The following SAMD3 variants were observed in gnomAD, a reference collection of about 807,000 sequenced individuals.
SAMD3 encodes the protein sterile alpha motif domain containing 3.
SAMD3 carries 63 observed loss-of-function variants against 58.5 expected under a neutral mutation model. The observed-to-expected ratio is 1.08, with a 90% confidence interval of 0.88 to 1.33. The LOEUF (loss-of-function observed/expected upper bound fraction) is 1.33. Ranked by LOEUF, SAMD3 falls within the 40% of genes most tolerant of loss-of-function variation. The pLI is 0.00. For synonymous variants in SAMD3, 220 were observed against 210.3 expected (o/e 1.05, Z -0.40); for missense variants, 604 against 608.4 (o/e 0.99, Z 0.08).
intron 9 of SAMD3, among the ~76,000 whole-genome samples, chr6:130,148,609 A>G (rs1174723916): frequency 6.6e-6 from 1 of 152,248 alleles, no homozygotes; most frequent in African/African-American, 2.4e-5. Flanking sequence ...ACTGTGGCTC[A>G]TGCCTATAAT....
chr6:130,210,161 A>G (rs1299646628), intron 4 of SAMD3, among the ~76,000 whole-genome samples: 1 of 152,200 alleles, frequency 6.6e-6, no homozygotes, highest in Non-Finnish European at 1.5e-5. Context: ...CTTCCTGACC[A>G]ATGATTTTCT....
At chr6:130,168,537 G>A (rs1280347190) in intron 8 of SAMD3, among the ~76,000 whole-genome samples, 1 of 152,082 alleles carries the variant, frequency 6.6e-6, no homozygotes, top group Non-Finnish European at 1.5e-5. Flanking sequence ...GAAAAAAACA[G>A]AAAGAAAATT....
At chr6:130,291,453 A>G (rs1320904583) in intron 2 of SAMD3, among the ~76,000 whole-genome samples, 1 of 152,178 alleles carries the variant, frequency 6.6e-6, no homozygotes, top group Non-Finnish European at 1.5e-5. Flanking sequence ...ACTCAGGCTC[A>G]TGGTTGACTC....
At chr6:130,226,562 C>T (rs371814272), upstream of SAMD3, among the ~76,000 whole-genome samples, 1 of 152,240 alleles carries the variant, frequency 6.6e-6, no homozygotes, top group East Asian at 1.9e-4. Flanking sequence ...CACCATGGCT[C>T]ACGCCTGTAA....
chr6:130,256,363 G>A (rs190601591), intron 2 of SAMD3, among the ~76,000 whole-genome samples: 101 of 152,102 alleles, frequency 6.6e-4, no homozygotes, highest in Middle Eastern at 3.4e-3. Context: ...AATCTGAGAC[G>A]ACCACATGTA....
chr6:130,210,440 A>T (rs988292527), intron 4 of SAMD3, among the ~76,000 whole-genome samples: 28 of 152,096 alleles, frequency 1.8e-4, no homozygotes, highest in Non-Finnish European at 3.5e-4. Context: ...CTTTACTGAA[A>T]ACACAAAAAT....
At chr6:130,224,283 G>A (rs931297800), upstream of SAMD3, among the ~76,000 whole-genome samples, 12 of 152,032 alleles carry the variant, frequency 7.9e-5, no homozygotes, top group South Asian at 6.2e-4. Context: ...GGGGTGTGGC[G>A]GGCCAGAGTG....
chr6:130,227,918 T>A (rs112033522), upstream of SAMD3, among the ~76,000 whole-genome samples: 1,894 of 152,126 alleles, frequency 0.012, 29 homozygotes, highest in African/African-American at 0.043. Flanking sequence ...GTTTCCTAAA[T>A]GGAAACGAGA....
intron 1 of SAMD3, among the ~76,000 whole-genome samples, chr6:130,350,351 G>A (rs1316678715): frequency 6.6e-6 from 1 of 152,120 alleles, no homozygotes; most frequent in Non-Finnish European, 1.5e-5. Flanking sequence ...ATCTCCTTAA[G>A]CTGATAAGCA....
chr6:130,330,382 A>T (rs1314562431), intron 1 of SAMD3, among the ~76,000 whole-genome samples: 1 of 152,206 alleles, frequency 6.6e-6, no homozygotes, highest in Non-Finnish European at 1.5e-5. Flanking sequence ...ATGAATTTCT[A>T]TTGCTATCTA....
intron 5 of SAMD3, among the ~76,000 whole-genome samples, 173 bp downstream of exon 5, chr6:130,209,322 A>G (rs1488635805): frequency 1.3e-5 from 2 of 152,212 alleles, no homozygotes; most frequent in East Asian, 3.8e-4. Flanking sequence ...AAACCAGAAA[A>G]TTTAATCTTC....
chr6:130,270,812 TTTG>T lies in SAMD3; in HGVS notation c.-188+42163_-188+42165del, dbSNP rs544447788. On this transcript the variant is annotated intron_variant, in intron 2 of 13. Transcript: ENST00000368134. ...ATTTTAAGATAATATTAGGGTATTT[TTTG>T]TTGTTATAAATAATACTGCAGGAAA... Among the ~76,000 whole-genome samples the T allele has an allele frequency of 1.1e-3, 163 of 152,318 alleles. 1 individual carries two copies. The highest frequency in any genetic ancestry group is 3.4e-3 in the Middle Eastern group (1 of 294).
intron 5 of SAMD3, among the ~76,000 whole-genome samples, chr6:130,194,592 C>A (rs927820572): frequency 6.6e-6 from 1 of 152,210 alleles, no homozygotes; most frequent in Admixed American, 6.5e-5. Flanking sequence ...TTCTCCAGAA[C>A]CTCCTCTCCC....
chr6:130,146,070 G>T lies in SAMD3; in HGVS notation c.1135C>A (p.Pro379Thr), dbSNP rs760039923. The change falls in exon 10 of 12, where the codon CCA (proline) becomes ACA (threonine). Residue 379 changes from proline (P) to threonine (T), a missense_variant. By Grantham distance (38) the Pro-to-Thr change is conservative (BLOSUM62 -1). Coordinates refer to ENST00000439090, the MANE Select transcript of SAMD3 (RefSeq NM_001017373.4). ...ILTSFSVVDNPINIVLQEKMK... is the reference protein window; with the variant it reads ...ILTSFSVVDNTINIVLQEKMK... ...TTTTCTTGCAATACAATATTGATTG[G>T]ATTGTCCACCACTGAAAAAGAAGTC... 2 of 1,594,036 alleles carry T rather than the reference G, an allele frequency of 1.3e-6. No individual in the cohort carries two copies. Among genetic ancestry groups the T allele is most frequent in the South Asian group, 2.3e-5 (2 of 87,104 alleles).
intron 1 of SAMD3, among the ~76,000 whole-genome samples, chr6:130,220,458 C>T (rs1441220040): frequency 6.6e-6 from 1 of 152,108 alleles, no homozygotes; most frequent in Admixed American, 6.6e-5. Context: ...ATGGTTTATC[C>T]CTGCTTCTGC....
intron 1 of SAMD3, among the ~76,000 whole-genome samples, chr6:130,329,196 G>A (rs1776850471): frequency 6.6e-6 from 1 of 150,646 alleles, no homozygotes; most frequent in Non-Finnish European, 1.5e-5. Flanking sequence ...TGGTATGGTG[G>A]CTACCATCAT....
chr6:130,201,404 G>C (rs868462885), intron 5 of SAMD3, among the ~76,000 whole-genome samples: 22 of 152,110 alleles, frequency 1.4e-4, no homozygotes, highest in Non-Finnish European at 3.2e-4. Context: ...TCAAAACGTG[G>C]TCTTAGAACA....
chr6:130,344,938 C>G (rs760703786), intron 1 of SAMD3, among the ~76,000 whole-genome samples: 1 of 151,702 alleles, frequency 6.6e-6, no homozygotes, highest in Non-Finnish European at 1.5e-5. Flanking sequence ...GCCCACCCCC[C>G]TCCATCTCCT....
chr6:130,214,454 C>T lies in SAMD3; in HGVS notation c.152G>A (p.Gly51Glu), dbSNP rs1437576490. ...RMVQQLVKKI[G>E]HQAVLMDLIK... ...TAAATCCATCAGAACAGCCTGGTGC[C>T]CAATTTTCTTTACCAGTTGCTGAAC... is the stretch of plus-strand genomic sequence containing the variant. Residue 51 changes from glycine (G) to glutamate (E), a missense_variant, in exon 4 of 12, where the codon GGG becomes GAG. Transcript: ENST00000439090. 2 of 1,612,984 alleles carry T rather than the reference C, an allele frequency of 1.2e-6. No individual in the cohort carries two copies. The highest frequency in any genetic ancestry group is 1.7e-6 in the Non-Finnish European group (2 of 1,179,484).
Sources: allele counts gnomAD v4.1 joint callset (sites outside exome capture counted in the v4.1 genomes callset), GRCh38; gene constraint gnomAD v4.1.1; transcripts MANE v1.5; gene names NCBI Gene and HGNC (gene_info 2026-07-23, HGNC 2026-07-21).